PHC3: variants seen among roughly 807,000 people sequenced by gnomAD.
PHC3 encodes the protein polyhomeotic homolog 3.
Under a neutral mutation model 107.4 loss-of-function variants are expected in PHC3, and 13 were observed. The observed-to-expected ratio is 0.12, with a 90% CI of 0.08 to 0.19. The LOEUF is 0.19. PHC3 is among the 10% of genes least tolerant of loss of function. The pLI, the probability that PHC3 is intolerant of heterozygous loss-of-function variation, is 1.00. For missense variants in PHC3, 992 were observed against 1,210.9 expected (o/e 0.82, Z 2.68); for synonymous variants, 456 against 427.4 (o/e 1.07, Z -0.83).
intron 2 of PHC3, among the ~76,000 whole-genome samples, chr3:170,176,207 T>C (rs1348761051): frequency 4.6e-5 from 6 of 129,450 alleles, no homozygotes; most frequent in African/African-American, 1.5e-4. Context: ...GCCTGGGCGA[T>C]AGAGCGAGAC....
Position 170,113,537 on chromosome 3 carries a change from T to C in PHC3, c.2194-18A>G. The C allele has an allele frequency of 1.9e-6, 3 of 1,573,224 alleles. No individual in the cohort carries two copies. Among genetic ancestry groups the C allele is most frequent in the Non-Finnish European group, 1.7e-6 (2 of 1,163,566 alleles). Reference sequence around the variant, plus strand: ...CGACTCACCTTTAAAAAAGGAGAAATAATAAAATGAAACAATCTCCAAAAA... The same window carrying C: ...CGACTCACCTTTAAAAAAGGAGAAACAATAAAATGAAACAATCTCCAAAAA... On this transcript the variant is annotated intron_variant, in intron 10 of 14. Transcript: ENST00000495893.
Position 170,088,314 on chromosome 3 carries a change from C to G in PHC3, c.*8916G>C, listed in dbSNP as rs1477566281. The G allele has an allele frequency of 6.6e-6, 1 of 152,040 alleles. No individual in the cohort carries two copies. The highest frequency in any genetic ancestry group is 1.5e-5 in the Non-Finnish European group (1 of 67,984). The allele number at this position is 152,040 out of a possible 1,614,324, so 9.4% of individuals were successfully genotyped here. ...ATTGGTTAACGTGTGCTTGAAGCAT[C>G]CAAAAAACACCAGTTTATCACAACA... On this transcript the variant is annotated 3_prime_UTR_variant, in exon 15 of 15. Coordinates refer to ENST00000495893, the MANE Select transcript of PHC3 (RefSeq NM_024947.4).
intron 5 of PHC3, among the ~76,000 whole-genome samples, chr3:170,146,178 C>T (rs916387764): frequency 3.9e-5 from 6 of 151,982 alleles, no homozygotes; most frequent in African/African-American, 1.4e-4. Flanking sequence ...AGTTCAAGAC[C>T]AGCCTGGCCA....
intron 7 of PHC3, among the ~76,000 whole-genome samples, chr3:170,133,319 C>T (rs1722555518): frequency 2.0e-5 from 3 of 151,936 alleles, no homozygotes; most frequent in African/African-American, 7.3e-5. Flanking sequence ...GCTGGAATTA[C>T]AAGAGCGCGC....
rs1713717650 is a variant in PHC3, at chr3:170,088,440, C to T, written c.*8790G>A. The T allele has an allele frequency of 6.6e-6, 1 of 152,186 alleles. No homozygotes were observed. The highest frequency in any genetic ancestry group is 2.1e-4 in the South Asian group (1 of 4,834). The allele number at this position is 152,186 out of a possible 1,614,324, so 9.4% of individuals were successfully genotyped here. On this transcript the variant is annotated 3_prime_UTR_variant, in exon 15 of 15. Coordinates refer to ENST00000495893, the MANE Select transcript of PHC3 (RefSeq NM_024947.4). ...CCTGCCACCATTGTCAGTATCCATC[C>T]ATCCAACCTTCATTTACTACAAGCA...
chr3:170,142,999 C>A (rs1724347673), intron 6 of PHC3, among the ~76,000 whole-genome samples: 1 of 151,986 alleles, frequency 6.6e-6, no homozygotes, highest in Non-Finnish European at 1.5e-5. Context: ...CATGGCGAAA[C>A]CCTGCCTCTA....
At chr3:170,163,883 A>AAGGCAGGCAGGCAGGCAGGC (rs1560119151) in intron 4 of PHC3, among the ~76,000 whole-genome samples, 3 of 141,434 alleles carry the variant, frequency 2.1e-5, no homozygotes, top group African/African-American at 8.0e-5. Context: ...AAAAAAAAAA[A>AAGGCAGGCAGGCAGGCAGGC]AGGCAGGCAG....
rs371458109 is a variant in PHC3, at chr3:170,122,351, C to T, written c.1942+240G>A. On this transcript the variant is annotated intron_variant, in intron 9 of 14. Transcript: ENST00000495893. Reference sequence around the variant, plus strand: ...GGGTGCAATGGCTCACACCTGTAATCCTGACACTTTGCAAGGCCAAGGCAG... The same window carrying T: ...GGGTGCAATGGCTCACACCTGTAATTCTGACACTTTGCAAGGCCAAGGCAG... 1.6e-4 allele frequency among the ~76,000 whole-genome samples: 24 copies of T among 152,266 alleles called. 1 individual carries two copies. The highest frequency in any genetic ancestry group is 5.8e-4 in the African/African-American group (24 of 41,544).
chr3:170,129,487 G>A lies in PHC3; in HGVS notation c.985C>T (p.Pro329Ser). Residue 329 changes from proline (P) to serine (S), a missense_variant, in exon 8 of 15, where the codon CCT becomes TCT. This residue lies in a region of PHC3 where 543 missense variants were observed against 590.8 expected (regional missense o/e 0.92). Coordinates refer to ENST00000495893, the MANE Select transcript of PHC3 (RefSeq NM_024947.4). The stretch of plus-strand genomic sequence containing the variant: ...AGCTGATGATGGGAAACTTTGGAAG[G>A]TGGTGAATGAAGAGGAATCTGCTGA... ...KHQQIPLHSP[P>S]SKVSHHQLIL... 1.2e-6 allele frequency: 2 copies of A among 1,613,806 alleles called. No homozygotes were observed. Among genetic ancestry groups the A allele is most frequent in the South Asian group, 2.2e-5 (2 of 91,078 alleles).
In PHC3 at chr3:170,158,761, T is replaced by C. The variant is rs1011859635; in HGVS notation, c.415-9517A>G. Among the ~76,000 whole-genome samples, 8 of 149,054 alleles carry C rather than the reference T, an allele frequency of 5.4e-5. No homozygotes were observed. The South Asian group carries it at 1.7e-3, about 32-fold the overall frequency. ...GGGCAACATGGCAAGACTTTGACAC[T>C]ACAGAAAATACAAAAATTAGTCAGG... On this transcript the variant is annotated intron_variant, in intron 4 of 14. Coordinates refer to ENST00000495893, the MANE Select transcript of PHC3 (RefSeq NM_024947.4).
intron 4 of PHC3, among the ~76,000 whole-genome samples, chr3:170,158,561 C>T (rs939159264): frequency 2.6e-5 from 4 of 151,834 alleles, no homozygotes; most frequent in Non-Finnish European, 2.9e-5. Context: ...CAAGACCACA[C>T]CACTGCACTC....
rs1714691363 is a variant in PHC3, at chr3:170,096,797, A to G, written c.*433T>C. ...TCACTGGACTACTAAATTATTCCAT[A>G]ATATACCTCTCATGACAACCTTTAG... On this transcript the variant is annotated 3_prime_UTR_variant, in exon 15 of 15. Transcript: ENST00000495893. The G allele has an allele frequency of 6.5e-6, 1 of 153,484 alleles. No individual in the cohort carries two copies. The highest frequency in any genetic ancestry group is 2.1e-4 in the South Asian group (1 of 4,878). 9.5% of individuals were successfully genotyped at this position (153,484 alleles called of 1,614,324 possible). A position where few individuals can be genotyped will look rare whatever the true frequency, so the allele number is the denominator to read the frequency against.
chr3:170,109,504 T>C (rs1717217459), intron 11 of PHC3, among the ~76,000 whole-genome samples: 1 of 152,184 alleles, frequency 6.6e-6, no homozygotes, highest in Non-Finnish European at 1.5e-5. Context: ...CTTTGGGTTA[T>C]GTCAGAGAAA....
intron 4 of PHC3, among the ~76,000 whole-genome samples, chr3:170,156,237 C>T (rs371566337): frequency 6.6e-6 from 1 of 152,106 alleles, no homozygotes; most frequent in African/African-American, 2.4e-5. Context: ...AGGCATGAGC[C>T]ACCATATCCG....
rs909000955 is a variant in PHC3 at position 170,093,529 on chromosome 3, T to C, written c.*3701A>G. 6.6e-6 allele frequency: 1 copy of C among 152,234 alleles called. No individual in the cohort carries two copies. Among genetic ancestry groups the C allele is most frequent in the African/African-American group, 2.4e-5 (1 of 41,466 alleles). The allele number at this position is 152,234 out of a possible 1,614,324, so 9.4% of individuals were successfully genotyped here. A position where few individuals can be genotyped will look rare whatever the true frequency, so the allele number is the denominator to read the frequency against. ...GGTCAGCATCACTCACATACATCTATAATAGTGTATTCTTTCAAAAATTGT... is the reference window on the plus strand; with the variant it reads ...GGTCAGCATCACTCACATACATCTACAATAGTGTATTCTTTCAAAAATTGT... On this transcript the variant is annotated 3_prime_UTR_variant, in exon 15 of 15. Coordinates refer to ENST00000495893, the MANE Select transcript of PHC3 (RefSeq NM_024947.4).
rs1447162850 is a variant in PHC3, at chr3:170,117,596, C to G, written c.1943-120G>C. 7.6e-5 allele frequency: 77 copies of G among 1,008,718 alleles called. 1 individual carries two copies. In the East Asian group the frequency reaches 2.0e-3, roughly 26 times the overall value. 62.5% of individuals were successfully genotyped at this position (1,008,718 alleles called of 1,614,324 possible). ...ATATCTGGTACTTTCAAAAACTGTT[C>G]TAAGAACCTTAAGACCTCATTTAAT... is the stretch of plus-strand genomic sequence containing the variant. On this transcript the variant is annotated intron_variant, in intron 9 of 14. Coordinates refer to ENST00000495893, the MANE Select transcript of PHC3 (RefSeq NM_024947.4).
At chr3:170,120,054 A>G (rs188540391) in intron 9 of PHC3, among the ~76,000 whole-genome samples, 1 of 152,188 alleles carries the variant, frequency 6.6e-6, no homozygotes, top group Admixed American at 6.5e-5. Flanking sequence ...TTCAAGTACT[A>G]TTAGTAATGC....
rs1232862939 is a variant in PHC3 at position 170,102,686 on chromosome 3, C to T, written c.2626G>A (p.Glu876Lys). 6.2e-7 allele frequency: 1 copy of T among 1,613,974 alleles called. No homozygotes were observed. Among genetic ancestry groups the T allele is most frequent in the Admixed American group, 1.7e-5 (1 of 60,016 alleles). Residue 876 changes from glutamate to lysine, a missense_variant, in exon 14 of 15, where the codon GAA becomes AAA. Physicochemically the swap from Glu to Lys is moderately conservative, Grantham distance 56. This residue lies in a region of PHC3 where 228 missense variants were observed against 288.8 expected (regional missense o/e 0.79). Transcript: ENST00000495893. Reference sequence around the variant, plus strand: ...TCTTCATGAGAAGCCAAGTCTTCTTCTGCAGATGGATAAGTAATTGGAAGC... The same window carrying T: ...TCTTCATGAGAAGCCAAGTCTTCTTTTGCAGATGGATAAGTAATTGGAAGC... The part of the protein sequence containing the change: ...RQLPITYPSA[E>K]EDLASHEDSV...
At chr3:170,171,867 CAG>C (rs984615544) in intron 3 of PHC3, among the ~76,000 whole-genome samples, 1 of 152,158 alleles carries the variant, frequency 6.6e-6, no homozygotes, top group African/African-American at 2.4e-5. Context: ...CTGTTGGTAA[CAG>C]AAATAAACCT....
Sources: allele counts gnomAD v4.1 joint callset (sites outside exome capture counted in the v4.1 genomes callset), GRCh38; gene constraint gnomAD v4.1.1; regional missense constraint gnomAD v4.1.1; transcripts MANE v1.5; gene names NCBI Gene and HGNC (gene_info 2026-07-23, HGNC 2026-07-21).